Variants in SMAD4 observed in about 807,000 individuals in gnomAD.
SMAD4 encodes SMAD family member 4.
A neutral mutation model predicts 63.2 loss-of-function variants in SMAD4; 7 were observed. That is an observed-to-expected ratio of 0.11 (90% CI 0.06 to 0.21). The LOEUF (loss-of-function observed/expected upper bound fraction) is 0.21, where lower values mean the gene tolerates loss of function less well. SMAD4 is among the 10% of genes least tolerant of loss of function. The pLI is 1.00. For missense variants in SMAD4, 312 were observed against 693.8 expected (o/e 0.45, Z 6.18); for synonymous variants, 215 against 235.4 (o/e 0.91, Z 0.79).
In SMAD4 at chr18:51,082,694, A is replaced by ATGT. The variant is rs1383827284; in HGVS notation, c.*4227_*4228insTGT. 6 of 230,082 alleles carry ATGT rather than the reference A, an allele frequency of 2.6e-5. No individual in the cohort carries two copies. The Admixed American group carries it at 3.4e-4, about 13-fold the overall frequency. 14.3% of individuals were successfully genotyped at this position (230,082 alleles called of 1,614,324 possible). On this transcript the variant is annotated 3_prime_UTR_variant, in exon 12 of 12. Coordinates refer to ENST00000342988, the MANE Select transcript of SMAD4 (RefSeq NM_005359.6). ...AAACAGACAGGACTGTGTTGCCTTT[A>ATGT]CTAAATGGTCTGAGACAGCTATGGT...
At chr18:51,066,093 T>TA (rs1910142136) in intron 9 of SMAD4, among the ~76,000 whole-genome samples, 1 of 152,182 alleles carries the variant, frequency 6.6e-6, no homozygotes, top group Non-Finnish European at 1.5e-5. Flanking sequence ...GGCTCACACC[T>TA]ATAATCCCAG....
intron 5 of SMAD4, 108 bp from the exon 6 acceptor site, chr18:51,058,017 A>G: frequency 5.2e-6 from 7 of 1,347,020 alleles, no homozygotes; most frequent in Admixed American, 1.8e-5. Context: ...CTTTTTGCCC[A>G]TCTTTATAGT....
At chr18:51,031,055 C>T (rs995685633) in intron 1 of SMAD4, among the ~76,000 whole-genome samples, 1 of 152,140 alleles carries the variant, frequency 6.6e-6, no homozygotes, top group Non-Finnish European at 1.5e-5. Context: ...TGTCTTTGTC[C>T]CCTACTTTCT....
intron 5 of SMAD4, among the ~76,000 whole-genome samples, chr18:51,056,806 A>G (rs766803608): frequency 1.3e-5 from 2 of 152,194 alleles, no homozygotes; most frequent in Non-Finnish European, 2.9e-5. Flanking sequence ...GGATAACTAC[A>G]GTGAGTCACT....
At chr18:51,031,313 A>T (rs189079805) in intron 1 of SMAD4, among the ~76,000 whole-genome samples, 2 of 152,314 alleles carry the variant, frequency 1.3e-5, no homozygotes, top group East Asian at 3.9e-4. Context: ...TGCTGTTAGG[A>T]TTTCTCAAAC....
intron 10 of SMAD4, among the ~76,000 whole-genome samples, chr18:51,068,832 C>G (rs1446376119): frequency 6.6e-6 from 1 of 151,926 alleles, no homozygotes; most frequent in Non-Finnish European, 1.5e-5. Context: ...GAGATGGGAG[C>G]ATTGCTTGAG....
intron 3 of SMAD4, 117 bp from the exon 4 acceptor site, chr18:51,049,178 A>G: frequency 1.3e-6 from 1 of 789,608 alleles, no homozygotes; most frequent in South Asian, 1.5e-5. Context: ...TCTGAATTGA[A>G]ATGGTTCATG....
rs1182164790 is a variant in SMAD4 at position 51,084,270 on chromosome 18, A to G, written c.*5803A>G. The G allele has an allele frequency of 8.7e-6, 2 of 228,822 alleles. No homozygotes were observed. The highest frequency in any genetic ancestry group is 1.7e-5 in the Non-Finnish European group (2 of 115,360). 14.2% of individuals were successfully genotyped at this position (228,822 alleles called of 1,614,324 possible). ...CCTGTTGTTAATGCTTAGTGATATT[A>G]TGCTCAAAACAAGGAAATTCCCTTG... On this transcript the variant is annotated 3_prime_UTR_variant, in exon 12 of 12. Transcript: ENST00000342988.
chr18:51,080,354 ATTTTC>A lies in SMAD4; in HGVS notation c.*1890_*1894del. ...TACAAATTCTTTCAGTAAACACCTAATTTTCTTCTGTAAAAGTTTGGTGATTTAAG... is the reference window on the plus strand; with the variant it reads ...TACAAATTCTTTCAGTAAACACCTAATTCTGTAAAAGTTTGGTGATTTAAG... On this transcript the variant is annotated 3_prime_UTR_variant, in exon 12 of 12. Transcript: ENST00000342988. 1 of 231,844 alleles carries A rather than the reference ATTTTC, an allele frequency of 4.3e-6. No homozygotes were observed. Among genetic ancestry groups the A allele is most frequent in the Non-Finnish European group, 8.5e-6 (1 of 117,284 alleles). The allele number at this position is 231,844 out of a possible 1,614,324, so 14.4% of individuals were successfully genotyped here.
At chr18:51,054,180 G>C (rs1909779656) in intron 4 of SMAD4, 1 of 153,980 alleles carries the variant, frequency 6.5e-6, no homozygotes, top group Non-Finnish European at 1.4e-5. Context: ...GGTTTCTAGA[G>C]GGAAATTTCA....
chr18:51,037,219 G>A (rs575500325), intron 1 of SMAD4, among the ~76,000 whole-genome samples: 6 of 152,186 alleles, frequency 3.9e-5, no homozygotes, highest in Admixed American at 2.0e-4. Context: ...GTATTTTTCA[G>A]TTATCAGTTA....
In SMAD4 at chr18:51,081,282, T is replaced by A. The variant is rs1290503966; in HGVS notation, c.*2815T>A. 1.8e-5 allele frequency: 4 copies of A among 227,456 alleles called. No individual in the cohort carries two copies. The highest frequency in any genetic ancestry group is 6.7e-5 in the African/African-American group (3 of 45,050). 14.1% of individuals were successfully genotyped at this position (227,456 alleles called of 1,614,324 possible). On this transcript the variant is annotated 3_prime_UTR_variant, in exon 12 of 12. Transcript: ENST00000342988. ...ATTTCAGTGCAAGCTGAATGAGAGA[T>A]GAGCCATGTACACCCACCGTAAGAC...
At chr18:51,069,099 T>C (rs1241483726) in intron 10 of SMAD4, among the ~76,000 whole-genome samples, 2 of 152,170 alleles carry the variant, frequency 1.3e-5, no homozygotes, top group African/African-American at 4.8e-5. Flanking sequence ...AAGTAATTTC[T>C]GTATTGGTTA....
intron 1 of SMAD4, among the ~76,000 whole-genome samples, chr18:51,042,244 C>G (rs1258177990): frequency 6.6e-6 from 1 of 151,790 alleles, no homozygotes; most frequent in Non-Finnish European, 1.5e-5. Flanking sequence ...TTCACTTTGC[C>G]AGGAGTTAAA....
rs765834260 is a variant in SMAD4, at chr18:51,055,012, T to A, written c.667+19T>A. 16 of 1,586,712 alleles carry A rather than the reference T, an allele frequency of 1.0e-5. No individual in the cohort carries two copies. Among genetic ancestry groups the A allele is most frequent in the Non-Finnish European group, 1.4e-5 (16 of 1,154,968 alleles). On this transcript the variant is annotated intron_variant, in intron 5 of 11. Transcript: ENST00000342988. ...TCCACAAGTGAGTTCTAGAATCAGA[T>A]GTAGTCAGCAAGTTGAGTTTTCCTA... is the stretch of plus-strand genomic sequence containing the variant.
intron 1 of SMAD4, among the ~76,000 whole-genome samples, chr18:51,044,049 C>CT (rs1335812476): frequency 2.6e-5 from 4 of 152,214 alleles, no homozygotes; most frequent in Admixed American, 6.5e-5. Flanking sequence ...AATCAAATAA[C>CT]TAATGTGTTA....
Position 51,048,672 on chromosome 18 carries a change from G to GT in SMAD4, c.250-11dup. 1.2e-6 allele frequency: 2 copies of GT among 1,609,428 alleles called. No homozygotes were observed. Among genetic ancestry groups the GT allele is most frequent in the Non-Finnish European group, 1.7e-6 (2 of 1,176,630 alleles). ...TAATGTGACACATGAATAAATGGTC[G>GT]TTTATTTTTCTAGGTGGCTGGTCGG... On this transcript the variant is annotated splice_polypyrimidine_tract_variant and intron_variant, in intron 2 of 11. Coordinates refer to ENST00000342988, the MANE Select transcript of SMAD4 (RefSeq NM_005359.6).
In SMAD4 at chr18:51,048,734, A is replaced by C. The variant is rs751154230; in HGVS notation, c.298A>C (p.Arg100=). ...TCATGTGATCTATGCCCGTCTCTGG[A>C]GGTGGCCTGATCTTCACAAAAATGA... ...FPHVIYARLW[R]WPDLHKNELK... The change falls in exon 3 of 12, where the codon AGG becomes CGG. Residue 100 remains arginine, a synonymous_variant. Transcript: ENST00000342988. The C allele has an allele frequency of 1.2e-6, 2 of 1,614,006 alleles. No individual in the cohort carries two copies. The highest frequency in any genetic ancestry group is 1.7e-6 in the Non-Finnish European group (2 of 1,179,952).
At position 51,050,486 on chromosome 18, in the gene SMAD4, C is replaced by T. The variant is rs150621159; in HGVS notation, c.454+1162C>T. ...CATCCTGGCTAACACAGTGAAACCC[C>T]GTCTCTACTAAAAACATACAAAATT... On this transcript the variant is annotated intron_variant, in intron 4 of 11. Coordinates refer to ENST00000342988, the MANE Select transcript of SMAD4 (RefSeq NM_005359.6). Among the ~76,000 whole-genome samples the T allele has an allele frequency of 6.0e-3, 898 of 150,888 alleles. 10 individuals are homozygous for T. The highest frequency in any genetic ancestry group is 0.021 in the African/African-American group (845 of 41,036).
Sources: allele counts gnomAD v4.1 joint callset (sites outside exome capture counted in the v4.1 genomes callset), GRCh38; gene constraint gnomAD v4.1.1; transcripts MANE v1.5; gene names NCBI Gene and HGNC (gene_info 2026-07-23, HGNC 2026-07-21).